SLC43A2: variants seen among roughly 807,000 people sequenced by gnomAD.
The protein encoded by SLC43A2 is large neutral amino acids transporter small subunit 4.
Under a neutral mutation model 63.2 loss-of-function variants are expected in SLC43A2, and 38 were observed. The ratio of observed to expected loss-of-function variants is 0.60; its 90% confidence interval spans 0.46 to 0.79. The LOEUF (loss-of-function observed/expected upper bound fraction) is 0.79. Ranked by LOEUF, SLC43A2 falls within the 30% of genes least tolerant of loss-of-function variation. The pLI, the probability that SLC43A2 is intolerant of heterozygous loss-of-function variation, is 0.00. For synonymous variants in SLC43A2, 322 were observed against 331.0 expected (o/e 0.97, Z 0.30); for missense variants, 644 against 756.2 (o/e 0.85, Z 1.74).
intron 3 of SLC43A2, among the ~76,000 whole-genome samples, chr17:1,615,923 A>G (rs1334207939): frequency 1.4e-5 from 2 of 144,256 alleles, no homozygotes; most frequent in African/African-American, 2.6e-5. Flanking sequence ...GGCGCCTGTA[A>G]TCCCAGCTAC....
intron 2 of SLC43A2, among the ~76,000 whole-genome samples, chr17:1,617,187 C>T (rs1181323997): frequency 6.6e-6 from 1 of 152,214 alleles, no homozygotes; most frequent in Non-Finnish European, 1.5e-5. Context: ...TGAGAACCTT[C>T]TCACGGCAGC....
intron 5 of SLC43A2, among the ~76,000 whole-genome samples, chr17:1,595,140 A>G (rs1207734677): frequency 1.3e-5 from 2 of 151,868 alleles, no homozygotes; most frequent in Non-Finnish European, 2.9e-5. Context: ...AATTAGCCGG[A>G]TGTGGTGGCA....
intron 2 of SLC43A2, among the ~76,000 whole-genome samples, chr17:1,627,354 C>A (rs988728562): frequency 6.6e-6 from 1 of 152,160 alleles, no homozygotes; most frequent in Non-Finnish European, 1.5e-5. Flanking sequence ...AAGCAGACAG[C>A]AACATGTTTA....
At chr17:1,621,756 A>G (rs978454780) in intron 2 of SLC43A2, among the ~76,000 whole-genome samples, 4 of 152,062 alleles carry the variant, frequency 2.6e-5, no homozygotes, top group Non-Finnish European at 5.9e-5. Flanking sequence ...AGAAGGTCTC[A>G]TGGGGGTCCC....
chr17:1,605,200 A>ACGCAGCCTCAGTCACACAGGGAAGCC lies in SLC43A2; in HGVS notation c.501+7969_501+7994dup. 2 of 1,133,978 alleles carry ACGCAGCCTCAGTCACACAGGGAAGCC rather than the reference A, an allele frequency of 1.8e-6. No individual in the cohort carries two copies. The highest frequency in any genetic ancestry group is 2.2e-6 in the Non-Finnish European group (2 of 918,266). The allele number at this position is 1,133,978 out of a possible 1,614,324, so 70.2% of individuals were successfully genotyped here. A position where few individuals can be genotyped will look rare whatever the true frequency, so the allele number is the denominator to read the frequency against. On this transcript the variant is annotated intron_variant, in intron 5 of 13. Transcript: ENST00000301335. This position sits in a 1 kb window ranked among gnomAD's most constrained non-coding sequence, Gnocchi z 4.9. Reference sequence around the variant, plus strand: ...CCCGGGCTGTTCACTCACTGCCTCCACGCAGCCTCAGTCACACAGGGAAGC... The same window carrying ACGCAGCCTCAGTCACACAGGGAAGCC: ...CCCGGGCTGTTCACTCACTGCCTCCACGCAGCCTCAGTCACACAGGGAAGCCCGCAGCCTCAGTCACACAGGGAAGC...
intron 5 of SLC43A2, among the ~76,000 whole-genome samples, chr17:1,602,334 C>T (rs1906133429): frequency 6.6e-6 from 1 of 152,078 alleles, no homozygotes; most frequent in Non-Finnish European, 1.5e-5. Flanking sequence ...TTTGTGAAGG[C>T]TCTTTATGTA....
intron 11 of SLC43A2, among the ~76,000 whole-genome samples, chr17:1,582,768 A>G (rs1394402113): frequency 6.6e-6 from 1 of 152,142 alleles, no homozygotes; most frequent in Non-Finnish European, 1.5e-5. Context: ...TGCTCGGTTG[A>G]GTGGAATGAA....
chr17:1,576,593 T>C lies in SLC43A2; in HGVS notation c.1548+4A>G. On this transcript the variant is annotated splice_donor_region_variant and intron_variant, in intron 13 of 13. Transcript: ENST00000301335. ...ATGACCCACCATCCCCCGACCCCTC[T>C]TACCCACAGAGGGTCTCCCTGGAGA... 6.2e-7 allele frequency: 1 copy of C among 1,602,954 alleles called. No individual in the cohort carries two copies. Among genetic ancestry groups the C allele is most frequent in the East Asian group, 2.2e-5 (1 of 44,786 alleles).
intron 5 of SLC43A2, among the ~76,000 whole-genome samples, chr17:1,598,852 G>T (rs911600790): frequency 2.6e-5 from 4 of 152,170 alleles, no homozygotes; most frequent in Non-Finnish European, 4.4e-5. Flanking sequence ...GACAGGGCAG[G>T]GGCCTCCCAG....
At chr17:1,602,751 T>A (rs1307115834) in intron 5 of SLC43A2, among the ~76,000 whole-genome samples, 1 of 151,550 alleles carries the variant, frequency 6.6e-6, no homozygotes, top group African/African-American at 2.4e-5. Context: ...GGTGTTTTGT[T>A]TTTTCAGTTT....
In SLC43A2 at chr17:1,614,902, G is replaced by T. The variant is rs184830904; in HGVS notation, c.424+77C>A. 1.2e-5 allele frequency: 18 copies of T among 1,460,470 alleles called. No homozygotes were observed. In the South Asian group the frequency reaches 2.0e-4, roughly 16 times the overall value. 90.5% of individuals were successfully genotyped at this position (1,460,470 alleles called of 1,614,324 possible). On this transcript the variant is annotated intron_variant, in intron 4 of 13. Coordinates refer to ENST00000301335, the MANE Select transcript of SLC43A2 (RefSeq NM_152346.3). ...GCAGCAGGCCCAGGACAGTGTCCAA[G>T]AGCAGGTGGGCCTGGGAGCAGCTCA... is the stretch of plus-strand genomic sequence containing the variant.
chr17:1,620,333 A>T (rs560549765), intron 2 of SLC43A2, among the ~76,000 whole-genome samples: 73 of 152,222 alleles, frequency 4.8e-4, no homozygotes, highest in African/African-American at 1.8e-3. Context: ...GTGCCACTGC[A>T]CTCCAGCCTG....
chr17:1,604,948 G>C, intron 5 of SLC43A2: 2 of 1,508,836 alleles, frequency 1.3e-6, no homozygotes, highest in Non-Finnish European at 1.8e-6. Context: ...CCGGAGTGAG[G>C]GCTGAGCGCT....
chr17:1,576,456 T>C, intron 13 of SLC43A2, 141 bp downstream of exon 13: 2 of 898,048 alleles, frequency 2.2e-6, no homozygotes, highest in Non-Finnish European at 3.3e-6. Context: ...TAGCCACCAT[T>C]CACAAAGGGA....
intron 2 of SLC43A2, among the ~76,000 whole-genome samples, chr17:1,625,410 C>T (rs1032247936): frequency 3.3e-5 from 5 of 152,206 alleles, no homozygotes; most frequent in African/African-American, 1.2e-4. Flanking sequence ...TAGAGTGACA[C>T]GAAGCTGACA....
At chr17:1,585,891 G>A in intron 10 of SLC43A2, 22 bp downstream of exon 10, 1 of 1,613,444 alleles carries the variant, frequency 6.2e-7, no homozygotes, top group Non-Finnish European at 8.5e-7. Flanking sequence ...TGGGAGCCGG[G>A]GCACCGGCCC....
intron 11 of SLC43A2, among the ~76,000 whole-genome samples, chr17:1,581,688 G>A (rs558260392): frequency 2.5e-4 from 38 of 152,260 alleles, no homozygotes; most frequent in African/African-American, 8.9e-4. Context: ...AAAACCTACT[G>A]CTAGACCACT....
chr17:1,585,705 C>A (rs2076090820), intron 10 of SLC43A2: 1 of 1,509,344 alleles, frequency 6.6e-7, no homozygotes. Flanking sequence ...TTAGCATTTC[C>A]ATTGCATTCC....
intron 10 of SLC43A2, among the ~76,000 whole-genome samples, chr17:1,584,630 T>G (rs377574880): frequency 4.0e-5 from 6 of 150,940 alleles, no homozygotes; most frequent in Admixed American, 2.7e-4. Flanking sequence ...TGTCTAACAC[T>G]GTGAAACCCC....
Sources: allele counts gnomAD v4.1 joint callset (sites outside exome capture counted in the v4.1 genomes callset), GRCh38; gene constraint gnomAD v4.1.1; non-coding constraint Gnocchi (gnomAD v3.1); transcripts MANE v1.5; gene names NCBI Gene and HGNC (gene_info 2026-07-23, HGNC 2026-07-21).